KDM2A: variants seen among roughly 807,000 people sequenced by gnomAD.
KDM2A encodes lysine-specific demethylase 2A.
In KDM2A, 3 loss-of-function variants were observed where a neutral mutation model predicts 137.3. The ratio of observed to expected loss-of-function variants is 0.02; its 90% CI spans 0.01 to 0.06. The LOEUF is 0.06. Among genes scored for constraint, KDM2A ranks in the 10% least tolerant of loss-of-function variants. The pLI, the probability that KDM2A is intolerant of heterozygous loss-of-function variation, is 1.00. For synonymous variants in KDM2A, 512 were observed against 541.5 expected (o/e 0.95, Z 0.76); for missense variants, 738 against 1,510.6 (o/e 0.49, Z 8.48).
rs1296444775 is a variant in KDM2A, at chr11:67,257,912, A to G, written c.*2857A>G. ...GTTCTCCACTATTGGTTTTAGAGAG[A>G]GCAAGGACATCTTTCCTCTGACACG... On this transcript the variant is annotated 3_prime_UTR_variant, in exon 21 of 21. Transcript: ENST00000529006. 6.6e-6 allele frequency: 1 copy of G among 152,190 alleles called. No homozygotes were observed. Among genetic ancestry groups the G allele is most frequent in the African/African-American group, 2.4e-5 (1 of 41,442 alleles). The allele number at this position is 152,190 out of a possible 1,614,324, so 9.4% of individuals were successfully genotyped here.
chr11:67,158,894 T>A (rs1480398560), intron 2 of KDM2A, among the ~76,000 whole-genome samples: 1 of 152,200 alleles, frequency 6.6e-6, no homozygotes, highest in East Asian at 1.9e-4. Flanking sequence ...GTTTTAAAAG[T>A]TGATTGTAAA....
intron 5 of KDM2A, among the ~76,000 whole-genome samples, chr11:67,202,868 G>T (rs1455457155): frequency 6.6e-6 from 1 of 151,564 alleles, no homozygotes; most frequent in African/African-American, 2.4e-5. Flanking sequence ...TGTGGCACGT[G>T]CCTGTAGTCC....
intron 2 of KDM2A, among the ~76,000 whole-genome samples, chr11:67,136,224 T>C (rs1855966709): frequency 6.6e-6 from 1 of 152,216 alleles, no homozygotes; most frequent in South Asian, 2.1e-4. Context: ...AAATGGATTC[T>C]TTGACTCCCA....
chr11:67,217,695 A>G (rs1368348412), intron 8 of KDM2A, 36 bp from the exon 9 acceptor site: 16 of 1,608,346 alleles, frequency 9.9e-6, no homozygotes, highest in Admixed American at 1.7e-5. Context: ...GGTCATGTCA[A>G]TGGCTGTTAA....
intron 7 of KDM2A, 191 bp downstream of exon 7, chr11:67,215,637 T>C (rs1858137801): frequency 1.6e-6 from 1 of 613,510 alleles, no homozygotes; most frequent in African/African-American, 1.9e-5. Context: ...ACCACACAGT[T>C]AAAGGAAAAA....
chr11:67,135,132 G>A (rs760178349), intron 2 of KDM2A, among the ~76,000 whole-genome samples: 7 of 151,304 alleles, frequency 4.6e-5, no homozygotes, highest in Non-Finnish European at 7.4e-5. Flanking sequence ...GCAATGGCGC[G>A]ATCTCGTCTC....
At chr11:67,209,092 G>A (rs1482921312) in intron 6 of KDM2A, among the ~76,000 whole-genome samples, 1 of 151,654 alleles carries the variant, frequency 6.6e-6, no homozygotes, top group Non-Finnish European at 1.5e-5. Context: ...ACCATGCACT[G>A]CTAATTTTTG....
At chr11:67,244,179 T>A (rs1859133762) in intron 13 of KDM2A, among the ~76,000 whole-genome samples, 1 of 152,220 alleles carries the variant, frequency 6.6e-6, no homozygotes, top group African/African-American at 2.4e-5. Context: ...AACAATTCAG[T>A]CATTTCTGGT....
chr11:67,245,043 A>G lies in KDM2A; in HGVS notation c.1564-146A>G. 1 of 851,148 alleles carries G rather than the reference A, an allele frequency of 1.2e-6. No individual in the cohort carries two copies. Among genetic ancestry groups the G allele is most frequent in the South Asian group, 1.7e-5 (1 of 60,310 alleles). 52.7% of individuals were successfully genotyped at this position (851,148 alleles called of 1,614,324 possible). A position where few individuals can be genotyped will look rare whatever the true frequency, so the allele number is the denominator to read the frequency against. On this transcript the variant is annotated intron_variant, in intron 13 of 20. Coordinates refer to ENST00000529006, the MANE Select transcript of KDM2A (RefSeq NM_012308.3). This position sits in a 1 kb window ranked among gnomAD's most constrained non-coding sequence, Gnocchi z 4.1. The stretch of plus-strand genomic sequence containing the variant: ...ACATACACAAGATGAGTTGTGTGTC[A>G]ATAAAATTTATTCTAGAAACAAGCA...
At chr11:67,209,664 G>A (rs557608443) in intron 6 of KDM2A, among the ~76,000 whole-genome samples, 15 of 152,094 alleles carry the variant, frequency 9.9e-5, no homozygotes, top group Non-Finnish European at 1.9e-4. Context: ...GGCTTGTCTC[G>A]AACCCCTGAC....
intron 5 of KDM2A, among the ~76,000 whole-genome samples, chr11:67,190,768 ATAC>A (rs1018153291): frequency 1.3e-5 from 2 of 152,182 alleles, no homozygotes; most frequent in African/African-American, 4.8e-5. Context: ...AAAAAAAAAA[ATAC>A]TACGAACAAT....
chr11:67,226,578 C>T (rs1192752594), intron 10 of KDM2A, among the ~76,000 whole-genome samples: 5 of 151,884 alleles, frequency 3.3e-5, no homozygotes, highest in African/African-American at 4.8e-5. Context: ...AAAAATTAGC[C>T]GGGCGTGGTG....
intron 2 of KDM2A, among the ~76,000 whole-genome samples, chr11:67,133,951 C>T (rs892484890): frequency 4.6e-5 from 7 of 152,310 alleles, no homozygotes; most frequent in Admixed American, 3.9e-4. Context: ...CTCGGCCTCC[C>T]AAAGTGCTAG....
chr11:67,185,128 A>G (rs955612111), intron 5 of KDM2A, among the ~76,000 whole-genome samples: 1 of 152,218 alleles, frequency 6.6e-6, no homozygotes, highest in African/African-American at 2.4e-5. Context: ...GAAGTAATGT[A>G]TGAACAAAAT....
intron 2 of KDM2A, among the ~76,000 whole-genome samples, chr11:67,146,979 C>A (rs1856263211): frequency 2.0e-5 from 3 of 152,044 alleles, no homozygotes; most frequent in South Asian, 4.1e-4. Context: ...TTCCCTTGAA[C>A]CTCACTGAAG....
At chr11:67,130,903 G>GA (rs1409870235) in intron 2 of KDM2A, among the ~76,000 whole-genome samples, 1 of 151,162 alleles carries the variant, frequency 6.6e-6, no homozygotes, top group East Asian at 1.9e-4. Context: ...GAGGCCCAGG[G>GA]AGGGGCCATG....
At chr11:67,189,564 G>A (rs911179451) in intron 5 of KDM2A, among the ~76,000 whole-genome samples, 2 of 152,214 alleles carry the variant, frequency 1.3e-5, no homozygotes, top group Admixed American at 6.6e-5. Flanking sequence ...TCTCGGCCGG[G>A]CGAGGTGGCT....
At chr11:67,161,664 T>G (rs1249602785) in intron 2 of KDM2A, among the ~76,000 whole-genome samples, 2 of 152,224 alleles carry the variant, frequency 1.3e-5, no homozygotes, top group Non-Finnish European at 2.9e-5. Flanking sequence ...TAAGATGATC[T>G]GGAAAAGTGG....
At chr11:67,205,425 A>G (rs902352299) in intron 5 of KDM2A, among the ~76,000 whole-genome samples, 1 of 152,070 alleles carries the variant, frequency 6.6e-6, no homozygotes, top group African/African-American at 2.4e-5. Flanking sequence ...ATCAGGTTCT[A>G]ATGCTACCTG....
Sources: allele counts gnomAD v4.1 joint callset (sites outside exome capture counted in the v4.1 genomes callset), GRCh38; gene constraint gnomAD v4.1.1; non-coding constraint Gnocchi (gnomAD v3.1); transcripts MANE v1.5; gene names NCBI Gene and HGNC (gene_info 2026-07-23, HGNC 2026-07-21).